PHEX: variants seen among roughly 807,000 people sequenced by gnomAD.
PHEX encodes the protein phosphate regulating endopeptidase X-linked.
A neutral mutation model predicts 68.0 loss-of-function variants in PHEX; 16 were observed. The ratio of observed to expected loss-of-function variants is 0.24; its 90% CI spans 0.16 to 0.36. The LOEUF (loss-of-function observed/expected upper bound fraction) is 0.36. Among genes scored for constraint, PHEX ranks in the 10% least tolerant of loss-of-function variants. PHEX has a pLI of 1.00. For missense variants in PHEX, 480 were observed against 575.5 expected, an observed-to-expected ratio of 0.83 and a Z score of 1.70; for synonymous variants, 208 against 205.1, an observed-to-expected ratio of 1.01 and a Z score of -0.12.
At chrX:22,142,227 G>C (rs1267384507) in intron 12 of PHEX, among the ~76,000 whole-genome samples, 1 of 111,984 alleles carries the variant, frequency 8.9e-6, no homozygotes, top group African/African-American at 3.2e-5. Context: ...ACTCCAGCCT[G>C]GGCGACAGAG....
chrX:22,060,154 CAAAAA>C (rs34000062), intron 3 of PHEX, among the ~76,000 whole-genome samples: 1 of 69,958 alleles, frequency 1.4e-5, no homozygotes, highest in Admixed American at 1.8e-4. Flanking sequence ...AGCCCTGTCT[CAAAAA>C]AAAAAAAAAA....
chrX:22,157,341 CAAAT>C (rs764226148), intron 12 of PHEX, among the ~76,000 whole-genome samples: 2 of 112,196 alleles, frequency 1.8e-5, no homozygotes, highest in African/African-American at 6.5e-5. Context: ...AACAAACAAA[CAAAT>C]AAGGGAAATA....
chrX:22,078,911 C>G (rs185033864), intron 5 of PHEX, among the ~76,000 whole-genome samples: 1 of 111,802 alleles, frequency 8.9e-6, no homozygotes, highest in South Asian at 3.8e-4. Context: ...AACTGTGTTT[C>G]TATGTTTGGT....
intron 2 of PHEX, among the ~76,000 whole-genome samples, chrX:22,041,364 C>T (rs1461461993): frequency 9.6e-6 from 1 of 104,145 alleles, no homozygotes; most frequent in Non-Finnish European, 1.9e-5. Context: ...TCATAAGACC[C>T]CTATGAAGTC....
At chrX:22,036,863 C>T (rs1286026132) in intron 1 of PHEX, among the ~76,000 whole-genome samples, 4 of 108,154 alleles carry the variant, frequency 3.7e-5, no homozygotes, top group Non-Finnish European at 7.7e-5. Context: ...TTTGGGAGGT[C>T]GAGGCGGGCG....
At position 22,094,045 on chromosome X, in the gene PHEX, C is replaced by T. The variant is rs1332477306; in HGVS notation, c.795C>T (p.Ser265=). Residue 265 remains serine, a synonymous_variant, in exon 7 of 22, where the codon TCC becomes TCT. Transcript: ENST00000379374. The part of the protein sequence containing the change: ...DTAVLLGANS[S]RAEHDMKSVL... ...CCGTGCTTTTAGGAGCTAACAGTTC[C>T]AGAGCAGAGCATGACATGAAGTCAG... 2 of 1,202,602 alleles carry T rather than the reference C, an allele frequency of 1.7e-6. No individual in the cohort carries two copies. Among genetic ancestry groups the T allele is most frequent in the South Asian group, 1.8e-5 (1 of 56,703 alleles).
At chrX:22,183,911 C>T (rs779910571) in intron 14 of PHEX, among the ~76,000 whole-genome samples, 1 of 112,062 alleles carries the variant, frequency 8.9e-6, no homozygotes, top group East Asian at 2.8e-4. Context: ...TTATCTTTAA[C>T]ATCGTCCTAG....
intron 11 of PHEX, among the ~76,000 whole-genome samples, chrX:22,128,241 C>T (rs146318674): frequency 0.012 from 1,279 of 107,812 alleles, 19 homozygotes; most frequent in African/African-American, 0.041. Context: ...TTTTTTGTAT[C>T]TAGTAGAGAC....
chrX:22,120,619 G>A (rs930313218), intron 11 of PHEX, among the ~76,000 whole-genome samples: 52 of 111,197 alleles, frequency 4.7e-4, no homozygotes, highest in African/African-American at 1.7e-3. Context: ...GAGAAAGACG[G>A]AAATGATAAG....
intron 1 of PHEX, among the ~76,000 whole-genome samples, chrX:22,036,054 A>ATATATAT (rs1349859330): frequency 5.3e-5 from 3 of 56,697 alleles, no homozygotes; most frequent in African/African-American, 2.7e-4. Context: ...ATATATATAT[A>ATATATAT]TTTTTTTTTT....
rs182803985 is a variant in PHEX, at chrX:22,096,824, G to A, written c.850-131G>A. ...AGTGATGTCTTTTTTTCTCTTCCCCGAGTTGGGGACCACACCAAAGCCTTG... is the reference window on the plus strand; with the variant it reads ...AGTGATGTCTTTTTTTCTCTTCCCCAAGTTGGGGACCACACCAAAGCCTTG... On this transcript the variant is annotated intron_variant, in intron 7 of 21. Transcript: ENST00000379374. 4.0e-4 allele frequency: 205 copies of A among 508,940 alleles called. No homozygotes were observed. The African/African-American group carries it at 4.1e-3, about 10-fold the overall frequency. The allele number at this position is 508,940 out of a possible 1,213,427, so 41.9% of individuals were successfully genotyped here.
At chrX:22,070,903 C>G (rs1407520195) in intron 3 of PHEX, among the ~76,000 whole-genome samples, 3 of 111,882 alleles carry the variant, frequency 2.7e-5, no homozygotes, top group African/African-American at 9.7e-5. Context: ...TGCTCATAGG[C>G]CTAAAACTTT....
chrX:22,062,018 G>C (rs1285423851), intron 3 of PHEX, among the ~76,000 whole-genome samples: 1 of 111,055 alleles, frequency 9.0e-6, no homozygotes, highest in Non-Finnish European at 1.9e-5. Flanking sequence ...GCAAGAGCAG[G>C]GCAAACTGCC....
chrX:22,141,593 AC>A (rs751798403), intron 12 of PHEX, among the ~76,000 whole-genome samples: 1 of 110,640 alleles, frequency 9.0e-6, no homozygotes, highest in Non-Finnish European at 1.9e-5. Flanking sequence ...AAAAAAAAAA[AC>A]CCTCATCCCA....
At chrX:22,102,205 C>T (rs1465871866) in intron 9 of PHEX, among the ~76,000 whole-genome samples, 1 of 111,407 alleles carries the variant, frequency 9.0e-6, no homozygotes, top group Non-Finnish European at 1.9e-5. Flanking sequence ...ACCATCCCTC[C>T]TTCCCTCCTT....
chrX:22,107,627 C>T lies in PHEX; in HGVS notation c.1080-3840C>T, dbSNP rs146670986. On this transcript the variant is annotated intron_variant, in intron 9 of 21. Transcript: ENST00000379374. ...ACCATTATTTAGCCTGTCCAGAGTTCACGTTCCTGTTTGCAACACCAAAGC... is the reference window on the plus strand; with the variant it reads ...ACCATTATTTAGCCTGTCCAGAGTTTACGTTCCTGTTTGCAACACCAAAGC... Among the ~76,000 whole-genome samples the T allele has an allele frequency of 9.0e-3, 1,011 of 111,986 alleles. 14 individuals are homozygous for T. Among genetic ancestry groups the T allele is most frequent in the African/African-American group, 0.031 (960 of 30,850 alleles).
At chrX:22,149,665 A>G (rs1415613703) in intron 12 of PHEX, among the ~76,000 whole-genome samples, 1 of 112,651 alleles carries the variant, frequency 8.9e-6, no homozygotes, top group Non-Finnish European at 1.9e-5. Context: ...GAGGCAGGAG[A>G]ATCGCTTGAA....
intron 12 of PHEX, among the ~76,000 whole-genome samples, chrX:22,140,448 G>T (rs1027150223): frequency 9.0e-6 from 1 of 111,530 alleles, no homozygotes; most frequent in Non-Finnish European, 1.9e-5. Flanking sequence ...GTTTGAAGAT[G>T]TTTAAATGTT....
At position 22,105,032 on chromosome X, in the gene PHEX, T is replaced by G. The variant is rs767195088; in HGVS notation, c.1079+5881T>G. Among the ~76,000 whole-genome samples the G allele has an allele frequency of 4.4e-5, 5 of 112,470 alleles. No homozygotes were observed. In the East Asian group the frequency reaches 1.4e-3, roughly 31 times the overall value. On this transcript the variant is annotated intron_variant, in intron 9 of 21. Coordinates refer to ENST00000379374, the MANE Select transcript of PHEX (RefSeq NM_000444.6). Reference sequence around the variant, plus strand: ...ATTCTTGTTGCATGTTCCCAAAGGATGACCTGGAAAATGTGCTGTTATGTG... The same window carrying G: ...ATTCTTGTTGCATGTTCCCAAAGGAGGACCTGGAAAATGTGCTGTTATGTG...
Sources: gnomAD v4.1 joint callset for allele counts (sites outside exome capture counted in the v4.1 genomes callset) on GRCh38, gnomAD v4.1.1 for gene constraint, MANE v1.5 for transcripts, NCBI Gene and HGNC (gene_info 2026-07-23, HGNC 2026-07-21) for gene names.